Variants in TRMT11 observed in about 807,000 individuals in gnomAD.
TRMT11 encodes tRNA methyltransferase 11.
TRMT11 carries 53 observed loss-of-function variants against 62.8 expected under a neutral mutation model. The observed-to-expected ratio is 0.84, with a 90% confidence interval of 0.68 to 1.06. The LOEUF is 1.06. Ranked by LOEUF, TRMT11 falls within the 50% of genes least tolerant of loss-of-function variation. The pLI, the probability that TRMT11 is intolerant of heterozygous loss-of-function variation, is 0.00. For missense variants in TRMT11, 556 were observed against 553.4 expected, an observed-to-expected ratio of 1.00 and a Z score of -0.05; for synonymous variants, 188 against 190.3, an observed-to-expected ratio of 0.99 and a Z score of 0.10.
intron 7 of TRMT11, 117 bp downstream of exon 7, chr6:125,999,730 A>G (rs1792165797): frequency 4.8e-6 from 4 of 838,482 alleles, no homozygotes; most frequent in Admixed American, 2.9e-5. Context: ...GTGTTTGGAT[A>G]GTGGCCAACA....
intron 1 of TRMT11, among the ~76,000 whole-genome samples, chr6:126,179,830 G>C (rs116835978): frequency 3.9e-5 from 6 of 151,976 alleles, no homozygotes; most frequent in African/African-American, 1.2e-4. Flanking sequence ...TTGTTATAAG[G>C]TTCAAACACC....
chr6:125,998,111 A>G lies in TRMT11; in HGVS notation c.271A>G (p.Lys91Glu). 6.2e-7 allele frequency: 1 copy of G among 1,613,636 alleles called. No homozygotes were observed. Among genetic ancestry groups the G allele is most frequent in the Non-Finnish European group, 8.5e-7 (1 of 1,179,618 alleles). The part of the protein sequence containing the change: ...QSPEELYSSL[K>E]NYPVEKMVPF... ...TCCTGAGGAGCTGTACAGTTCTCTT[A>G]AAAACTACCCTGTGGAGAAGATGGT... The change falls in exon 4 of 13, where the codon AAA (lysine) becomes GAA (glutamate). Residue 91 changes from lysine to glutamate, a missense_variant. Physicochemically the swap from Lys to Glu is moderately conservative, Grantham distance 56. Transcript: ENST00000334379.
chr6:126,269,346 A>G, the TRMT11 span, among the ~76,000 whole-genome samples: 5 of 152,066 alleles, frequency 3.3e-5, no homozygotes, highest in African/African-American at 1.2e-4. Context: ...TGGCTGATAA[A>G]GCAAAATACA....
chr6:126,153,224 A>G (rs1482944442), intron 21 of TRMT11, among the ~76,000 whole-genome samples: 1 of 152,202 alleles, frequency 6.6e-6, no homozygotes, highest in Non-Finnish European at 1.5e-5. Context: ...TACAGACATT[A>G]TTTATACAGT....
rs117361464 is a variant in TRMT11 at position 126,062,320 on chromosome 6, T to C, written c.*1437+9130T>C. On this transcript the variant is annotated intron_variant and NMD_transcript_variant, in intron 17 of 22. Transcript: ENST00000648977. ...AAATACCAATTTTGTTCTTAAGGCG[T>C]AGAGGGAGGGCACTTTTGAATCACT... Among the ~76,000 whole-genome samples the C allele has an allele frequency of 3.0e-3, 458 of 152,354 alleles. 3 individuals carry two copies. Among genetic ancestry groups the C allele is most frequent in the Middle Eastern group, 0.01 (3 of 294 alleles).
downstream of TRMT11, among the ~76,000 whole-genome samples, chr6:126,043,175 G>T (rs1449069187): frequency 6.8e-6 from 1 of 146,812 alleles, no homozygotes; most frequent in African/African-American, 2.5e-5. Context: ...TTAGCATTAG[G>T]TATATCTCCT....
intron 17 of TRMT11, among the ~76,000 whole-genome samples, chr6:126,102,094 G>A (rs1214210446): frequency 6.6e-6 from 1 of 152,154 alleles, no homozygotes; most frequent in East Asian, 1.9e-4. Flanking sequence ...TCTCCATGGA[G>A]GCAGTGCAGC....
In TRMT11 at chr6:126,180,480, A is replaced by AGGAAAATTTATGCAG. The variant is rs1378964304; in HGVS notation, n.143+3155_143+3169dup. On this transcript the variant is annotated intron_variant and non_coding_transcript_variant, in intron 1 of 3. Coordinates refer to the TRMT11 transcript ENST00000444229. ...TTATCATGTTTATAGCCAGGAGGCC[A>AGGAAAATTTATGCAG]GGAAAATTTATGCAGGGAAAATTTG... is the stretch of plus-strand genomic sequence containing the variant. 3.3e-5 allele frequency among the ~76,000 whole-genome samples: 5 copies of AGGAAAATTTATGCAG among 152,326 alleles called. No homozygotes were observed. The East Asian group carries it at 9.6e-4, about 29-fold the overall frequency.
the TRMT11 span, among the ~76,000 whole-genome samples, chr6:126,245,566 A>G: frequency 6.6e-6 from 1 of 152,254 alleles, no homozygotes; most frequent in Non-Finnish European, 1.5e-5. Flanking sequence ...GATGGATTGA[A>G]TCTGCACTTG....
intron 17 of TRMT11, among the ~76,000 whole-genome samples, chr6:126,059,503 A>G (rs1409877416): frequency 6.6e-6 from 1 of 152,210 alleles, no homozygotes; most frequent in East Asian, 1.9e-4. Context: ...TGGGAGTGAG[A>G]GATTCACTTA....
intron 21 of TRMT11, among the ~76,000 whole-genome samples, chr6:126,139,840 G>GT (rs1777896555): frequency 6.6e-6 from 1 of 151,942 alleles, no homozygotes; most frequent in South Asian, 2.1e-4. Flanking sequence ...TTTCTTAGAG[G>GT]TTTTTTTGGT....
the TRMT11 span, among the ~76,000 whole-genome samples, chr6:126,221,689 C>T: frequency 1.3e-5 from 2 of 152,152 alleles, no homozygotes; most frequent in African/African-American, 4.8e-5. Context: ...TTCTCCCATT[C>T]TGTAAATTGT....
At chr6:126,146,470 G>C (rs1256267708) in intron 21 of TRMT11, among the ~76,000 whole-genome samples, 1 of 151,986 alleles carries the variant, frequency 6.6e-6, no homozygotes, top group African/African-American at 2.4e-5. Context: ...TGTTTAATGA[G>C]GTTTTAATAG....
At chr6:126,046,641 C>G (rs1446553875) in intron 16 of TRMT11, among the ~76,000 whole-genome samples, 1 of 152,152 alleles carries the variant, frequency 6.6e-6, no homozygotes, top group African/African-American at 2.4e-5. Context: ...ACTTGTATGG[C>G]TGTGTTGAAT....
At chr6:126,147,624 T>G (rs1435695342) in intron 21 of TRMT11, among the ~76,000 whole-genome samples, 1 of 152,152 alleles carries the variant, frequency 6.6e-6, no homozygotes, top group Non-Finnish European at 1.5e-5. Flanking sequence ...GCTTCGTCCC[T>G]GCGGTACCTT....
At chr6:126,166,087 T>C (rs1778258966) in intron 21 of TRMT11, among the ~76,000 whole-genome samples, 1 of 152,138 alleles carries the variant, frequency 6.6e-6, no homozygotes, top group Non-Finnish European at 1.5e-5. Flanking sequence ...CTATTCATAC[T>C]TGTGTAAGCT....
intron 16 of TRMT11, among the ~76,000 whole-genome samples, chr6:126,052,091 C>T (rs952771037): frequency 6.6e-6 from 1 of 152,164 alleles, no homozygotes; most frequent in African/African-American, 2.4e-5. Flanking sequence ...ACTAGAATTA[C>T]TTAATGAGAT....
chr6:126,027,667 T>C (rs375997631), intron 12 of TRMT11, among the ~76,000 whole-genome samples: 4 of 152,300 alleles, frequency 2.6e-5, no homozygotes, highest in East Asian at 3.9e-4. Flanking sequence ...TCATATAGTT[T>C]AGATTATTTA....
intron 3 of TRMT11, 38 bp downstream of exon 3, chr6:125,996,078 G>C (rs141319887): frequency 7.3e-7 from 1 of 1,368,336 alleles, no homozygotes; most frequent in Non-Finnish European, 1.0e-6. Context: ...GAATATACTG[G>C]TACTTCTCAT....
Sources: allele counts gnomAD v4.1 joint callset (sites outside exome capture counted in the v4.1 genomes callset), GRCh38; gene constraint gnomAD v4.1.1; transcripts MANE v1.5; gene names NCBI Gene and HGNC (gene_info 2026-07-23, HGNC 2026-07-21).